Variants in EYA2 observed in about 807,000 individuals in gnomAD.
The protein encoded by EYA2 is protein phosphatase EYA2.
A neutral mutation model predicts 69.2 loss-of-function variants in EYA2; 31 were observed. The observed-to-expected ratio is 0.45, with a 90% CI of 0.34 to 0.60. EYA2 has a LOEUF of 0.60. EYA2 is among the 20% of genes least tolerant of loss of function. EYA2 has a pLI of 0.02. For synonymous variants in EYA2, 257 were observed against 279.4 expected (o/e 0.92, Z 0.80); for missense variants, 622 against 701.2 (o/e 0.89, Z 1.28).
intron 14 of EYA2, 116 bp from the exon 15 acceptor site, chr20:47,183,175 T>G (rs2034570461): frequency 1.1e-6 from 1 of 874,196 alleles, no homozygotes; most frequent in African/African-American, 1.7e-5. Context: ...AACGAAATGA[T>G]GAATACCGGG....
chr20:47,094,535 T>A (rs2032188434), intron 8 of EYA2, among the ~76,000 whole-genome samples: 1 of 152,254 alleles, frequency 6.6e-6, no homozygotes, highest in African/African-American at 2.4e-5. Flanking sequence ...ATATTTCTCT[T>A]AACTTTCAAA....
rs765083065 is a variant in EYA2, at chr20:47,185,276, C to CTTTT, written c.1536+1924_1536+1927dup. Among the ~76,000 whole-genome samples, 280 of 55,932 alleles carry CTTTT rather than the reference C, an allele frequency of 5.0e-3. 46 individuals carry two copies. The highest frequency in any genetic ancestry group is 0.018 in the East Asian group (28 of 1,516). The allele number at this position is 55,932 out of a possible 152,430, so 36.7% of individuals were successfully genotyped here. ...CTCTCCCAGAAAAATGAATCACACTCTTTTTTTTTTTTTTTTTTTTTTTTT... is the reference window on the plus strand; with the variant it reads ...CTCTCCCAGAAAAATGAATCACACTCTTTTTTTTTTTTTTTTTTTTTTTTTTTTT... On this transcript the variant is annotated intron_variant, in intron 15 of 15. Transcript: ENST00000327619.
chr20:46,926,182 TATTA>T (rs1428935515), intron 1 of EYA2, among the ~76,000 whole-genome samples: 3 of 152,188 alleles, frequency 2.0e-5, no homozygotes, highest in African/African-American at 7.2e-5. Context: ...ACTAATTAAC[TATTA>T]ATTAGGATTT....
chr20:46,977,191 A>C (rs1269127948), intron 1 of EYA2, among the ~76,000 whole-genome samples: 1 of 152,260 alleles, frequency 6.6e-6, no homozygotes, highest in Non-Finnish European at 1.5e-5. Context: ...TTGTGTTTAT[A>C]AGCTATTTAT....
At chr20:46,989,719 A>G (rs1981528661) in intron 1 of EYA2, among the ~76,000 whole-genome samples, 1 of 152,238 alleles carries the variant, frequency 6.6e-6, no homozygotes, top group Admixed American at 6.5e-5. Flanking sequence ...ATGACATTGA[A>G]GAGAGACCAA....
chr20:47,112,862 C>CTTTTTTTTTTTTTTT lies in EYA2; in HGVS notation c.888+15707_888+15721dup. Among the ~76,000 whole-genome samples the CTTTTTTTTTTTTTTT allele has an allele frequency of 4.2e-3, 234 of 55,822 alleles. 46 individuals are homozygous for CTTTTTTTTTTTTTTT. Among genetic ancestry groups the CTTTTTTTTTTTTTTT allele is most frequent in the Non-Finnish European group, 6.1e-3 (173 of 28,314 alleles). 36.6% of individuals were successfully genotyped at this position (55,822 alleles called of 152,430 possible). The stretch of plus-strand genomic sequence containing the variant: ...CAAAAGTTAGATTTCATGTTCACTC[C>CTTTTTTTTTTTTTTT]TTTTTTTTTTTTTTTTTTTTTTTTT... On this transcript the variant is annotated intron_variant, in intron 9 of 15. Coordinates refer to ENST00000327619, the MANE Select transcript of EYA2 (RefSeq NM_005244.5).
intron 5 of EYA2, among the ~76,000 whole-genome samples, chr20:47,055,424 A>G (rs1399398528): frequency 6.6e-6 from 1 of 152,094 alleles, no homozygotes; most frequent in Non-Finnish European, 1.5e-5. Context: ...GTCCCTCCCT[A>G]TATTGTATCA....
At chr20:47,086,612 G>A (rs1442274162) in intron 7 of EYA2, among the ~76,000 whole-genome samples, 7 of 152,082 alleles carry the variant, frequency 4.6e-5, no homozygotes, top group Admixed American at 2.0e-4. Flanking sequence ...ACCCGGGGAG[G>A]GGAGATGGTG....
intron 9 of EYA2, chr20:47,117,644 TAAAAAG>T (rs1017818489): frequency 7.7e-5 from 76 of 984,968 alleles, no homozygotes; most frequent in Middle Eastern, 5.2e-4. Context: ...TGAGAAGAAA[TAAAAAG>T]AAAAAGAAAA....
At chr20:47,049,192 C>CAG (rs3085551) in intron 5 of EYA2, among the ~76,000 whole-genome samples, 109,963 of 151,970 alleles carry the variant, frequency 0.72, 39,975 homozygotes, top group African/African-American at 0.75. Context: ...AAAGATAGTA[C>CAG]AGAGTTCCCT....
intron 10 of EYA2, among the ~76,000 whole-genome samples, chr20:47,159,635 A>G (rs1192136758): frequency 6.6e-6 from 1 of 151,984 alleles, no homozygotes; most frequent in Non-Finnish European, 1.5e-5. Context: ...ACAAAAGGAG[A>G]AAGTGGGTGT....
intron 12 of EYA2, among the ~76,000 whole-genome samples, chr20:47,176,742 A>G (rs917667206): frequency 1.8e-4 from 28 of 152,160 alleles, no homozygotes; most frequent in African/African-American, 5.8e-4. Flanking sequence ...AGGCATTCCA[A>G]GCTGGCCAAG....
chr20:47,070,262 A>G (rs1187024983), intron 5 of EYA2, among the ~76,000 whole-genome samples: 1 of 152,228 alleles, frequency 6.6e-6, no homozygotes, highest in African/African-American at 2.4e-5. Context: ...TATTTCATCA[A>G]AGAAGATATG....
At chr20:46,986,829 G>A (rs895307106) in intron 1 of EYA2, among the ~76,000 whole-genome samples, 1 of 152,024 alleles carries the variant, frequency 6.6e-6, no homozygotes, top group Non-Finnish European at 1.5e-5. Context: ...CATTCATGAG[G>A]GATCCATCCC....
chr20:47,170,305 A>G, intron 11 of EYA2, among the ~76,000 whole-genome samples: 1 of 151,820 alleles, frequency 6.6e-6, no homozygotes. Flanking sequence ...AGGGGAAAAC[A>G]CTCCCAGGAC....
intron 7 of EYA2, among the ~76,000 whole-genome samples, chr20:47,084,882 C>A (rs946202107): frequency 6.9e-6 from 1 of 145,152 alleles, no homozygotes; most frequent in African/African-American, 2.6e-5. Flanking sequence ...GTTACCCAGG[C>A]TGGAGTGCAG....
chr20:47,181,721 TA>T (rs11086199), intron 14 of EYA2, among the ~76,000 whole-genome samples: 84,442 of 151,888 alleles, frequency 0.56, 25,391 homozygotes, highest in African/African-American at 0.81. Flanking sequence ...GAGCAAAAAA[TA>T]AAAAAAATAA....
chr20:46,905,452 C>T (rs1452972217), intron 1 of EYA2, among the ~76,000 whole-genome samples: 2 of 152,224 alleles, frequency 1.3e-5, no homozygotes, highest in African/African-American at 2.4e-5. Context: ...CCTCAATGAG[C>T]CTGAGTTGCT....
chr20:47,111,846 C>T (rs191606177), intron 9 of EYA2, among the ~76,000 whole-genome samples: 3 of 152,270 alleles, frequency 2.0e-5, no homozygotes, highest in Admixed American at 2.0e-4. Flanking sequence ...ATCACAGCAG[C>T]GTGAACTCTG....
Sources: gnomAD v4.1 joint callset for allele counts (sites outside exome capture counted in the v4.1 genomes callset) on GRCh38, gnomAD v4.1.1 for gene constraint, MANE v1.5 for transcripts, NCBI Gene and HGNC (gene_info 2026-07-23, HGNC 2026-07-21) for gene names.